CLASP2: variants seen among roughly 807,000 people sequenced by gnomAD.
CLASP2 encodes the protein cytoplasmic linker associated protein 2, also known as CLIP-associating protein 2.
In CLASP2, 47 loss-of-function variants were observed where a neutral mutation model predicts 194.4. The ratio of observed to expected loss-of-function variants is 0.24; its 90% CI spans 0.19 to 0.31. CLASP2 has a LOEUF of 0.31. Among genes scored for constraint, CLASP2 ranks in the 10% least tolerant of loss-of-function variants. The pLI is 1.00. For missense variants in CLASP2, 1,445 were observed against 1,823.6 expected (o/e 0.79, Z 3.78); for synonymous variants, 619 against 633.5 (o/e 0.98, Z 0.34).
At chr3:33,593,054 A>G (rs2154239710) in intron 20 of CLASP2, among the ~76,000 whole-genome samples, 1 of 152,362 alleles carries the variant, frequency 6.6e-6, no homozygotes, top group Middle Eastern at 3.4e-3. Flanking sequence ...TCATTTAGAA[A>G]GTGATTTGAG....
At chr3:33,609,737 T>C (rs1176538647) in intron 13 of CLASP2, among the ~76,000 whole-genome samples, 2 of 152,206 alleles carry the variant, frequency 1.3e-5, no homozygotes, top group Non-Finnish European at 2.9e-5. Flanking sequence ...ATCTCCAGCA[T>C]TGATGTATCA....
intron 8 of CLASP2, chr3:33,644,544 G>T: frequency 1.7e-6 from 1 of 594,212 alleles, no homozygotes; most frequent in Non-Finnish European, 3.0e-6. Context: ...CTCAAGAAGA[G>T]ACTAATTCAC....
At chr3:33,521,431 A>G (rs1008831695) in intron 34 of CLASP2, among the ~76,000 whole-genome samples, 1 of 152,236 alleles carries the variant, frequency 6.6e-6, no homozygotes, top group African/African-American at 2.4e-5. Context: ...GTGTTACTAG[A>G]TAGGGTGCAA....
At position 33,516,041 on chromosome 3, in the gene CLASP2, A is replaced by C. The variant is rs2051232491; in HGVS notation, c.4092T>G (p.His1364Gln). 1 of 1,610,724 alleles carries C rather than the reference A, an allele frequency of 6.2e-7. No individual in the cohort carries two copies. The highest frequency in any genetic ancestry group is 1.3e-5 in the African/African-American group (1 of 74,872). The change falls in exon 36 of 39, where the codon CAT becomes CAG. Residue 1364 changes from histidine to glutamine, a missense_variant. Coordinates refer to ENST00000682230, the MANE Select transcript of CLASP2 (RefSeq NM_001365631.1). ...ELTVMKTLEA[H>Q]KDPHKEVVRS... ...AACTTACCTCCTTATGAGGATCTTT[A>C]TGTGCTTCCAATGTTTTCATGACAG...
intron 22 of CLASP2, among the ~76,000 whole-genome samples, chr3:33,582,733 A>G (rs1461183445): frequency 1.3e-5 from 2 of 152,174 alleles, no homozygotes; most frequent in African/African-American, 4.8e-5. Flanking sequence ...CCTCCTCACA[A>G]ATGAAAAACC....
intron 6 of CLASP2, among the ~76,000 whole-genome samples, chr3:33,678,983 C>G (rs781134435): frequency 1.3e-5 from 2 of 152,046 alleles, no homozygotes; most frequent in Non-Finnish European, 2.9e-5. Context: ...AGGAAAAGAA[C>G]AAATTTGGAA....
chr3:33,508,668 C>A (rs1158380707), intron 37 of CLASP2, among the ~76,000 whole-genome samples: 1 of 152,172 alleles, frequency 6.6e-6, no homozygotes, highest in Non-Finnish European at 1.5e-5. Context: ...TCTGAATTTA[C>A]TAGCTGGAAT....
chr3:33,541,782 A>G (rs754281044), intron 32 of CLASP2, among the ~76,000 whole-genome samples: 1 of 152,216 alleles, frequency 6.6e-6, no homozygotes, highest in Non-Finnish European at 1.5e-5. Flanking sequence ...TATTGTGAAC[A>G]GTGCTGCAGT....
intron 29 of CLASP2, among the ~76,000 whole-genome samples, chr3:33,555,105 C>G (rs1279322845): frequency 6.6e-6 from 1 of 151,928 alleles, no homozygotes; most frequent in African/African-American, 2.4e-5. Flanking sequence ...AAAAGATACA[C>G]CTATGAGGTA....
At chr3:33,560,107 G>T (rs2061572193) in intron 28 of CLASP2, among the ~76,000 whole-genome samples, 1 of 152,058 alleles carries the variant, frequency 6.6e-6, no homozygotes. Flanking sequence ...ATATATCATT[G>T]GTTCAAAACC....
At chr3:33,696,819 C>T (rs1304260469) in intron 2 of CLASP2, 36 bp downstream of exon 2, 3 of 1,304,750 alleles carry the variant, frequency 2.3e-6, no homozygotes, top group Admixed American at 4.1e-5. Context: ...CATGTCAAAT[C>T]TTATTTAGAA....
intron 32 of CLASP2, among the ~76,000 whole-genome samples, chr3:33,539,667 CTATT>C (rs1253933382): frequency 6.6e-6 from 1 of 152,016 alleles, no homozygotes; most frequent in Non-Finnish European, 1.5e-5. Flanking sequence ...ATAGTCGTGC[CTATT>C]TATTTAGGTA....
At chr3:33,625,843 T>C (rs1485583957) in intron 10 of CLASP2, among the ~76,000 whole-genome samples, 1 of 152,008 alleles carries the variant, frequency 6.6e-6, no homozygotes, top group East Asian at 1.9e-4. Context: ...ACTTTTTCTC[T>C]GTAGTTTTCT....
At chr3:33,563,845 C>T (rs1275975653) in intron 27 of CLASP2, 10 of 454,472 alleles carry the variant, frequency 2.2e-5, no homozygotes, top group South Asian at 6.2e-5. Flanking sequence ...AAGTTTCTAA[C>T]TCCAAACTGA....
At chr3:33,515,574 G>A (rs963580701) in intron 36 of CLASP2, among the ~76,000 whole-genome samples, 7 of 152,114 alleles carry the variant, frequency 4.6e-5, no homozygotes, top group Admixed American at 1.3e-4. Context: ...CACTGGAACC[G>A]GGAGGCTGAG....
chr3:33,664,313 T>G (rs973893793), intron 6 of CLASP2, among the ~76,000 whole-genome samples: 1 of 152,112 alleles, frequency 6.6e-6, no homozygotes, highest in African/African-American at 2.4e-5. Context: ...CTTTCCAATA[T>G]ATTGTGCTAT....
intron 1 of CLASP2, among the ~76,000 whole-genome samples, chr3:33,708,391 T>C (rs566122621): frequency 6.6e-6 from 1 of 151,234 alleles, no homozygotes; most frequent in Non-Finnish European, 1.5e-5. Context: ...TTCATCCATG[T>C]TGTCACAAAT....
chr3:33,574,357 T>A, intron 24 of CLASP2: 1 of 625,516 alleles, frequency 1.6e-6, no homozygotes, highest in Non-Finnish European at 2.7e-6. Context: ...AATAGATGTA[T>A]GTCTAAGGAT....
chr3:33,574,418 G>T, intron 24 of CLASP2: 1 of 1,117,462 alleles, frequency 8.9e-7, no homozygotes, highest in Non-Finnish European at 1.2e-6. Context: ...TTAAATTGAT[G>T]AAAGAAAAAA....
Sources: gnomAD v4.1 joint callset for allele counts (sites outside exome capture counted in the v4.1 genomes callset) on GRCh38, gnomAD v4.1.1 for gene constraint, MANE v1.5 for transcripts, NCBI Gene and HGNC (gene_info 2026-07-23, HGNC 2026-07-21) for gene names.